Variants in KCTD16 observed in about 807,000 individuals in gnomAD.
KCTD16 encodes BTB/POZ domain-containing protein KCTD16.
In KCTD16, 13 loss-of-function variants were observed where a neutral mutation model predicts 33.2. The ratio of observed to expected loss-of-function variants is 0.39; its 90% CI spans 0.25 to 0.62. KCTD16 has a LOEUF of 0.62. KCTD16 is among the 20% of genes least tolerant of loss of function. KCTD16 has a pLI of 0.50. For missense variants in KCTD16, 441 were observed against 525.1 expected (o/e 0.84, Z 1.57); for synonymous variants, 197 against 195.3 (o/e 1.01, Z -0.07).
chr5:144,316,430 C>T (rs1019673171), intron 3 of KCTD16, among the ~76,000 whole-genome samples: 3 of 151,722 alleles, frequency 2.0e-5, no homozygotes, highest in Admixed American at 2.0e-4. Context: ...TATGCCTCAG[C>T]GGTATCTAAG....
chr5:144,181,200 T>G (rs1355527062), intron 2 of KCTD16, among the ~76,000 whole-genome samples: 1 of 152,220 alleles, frequency 6.6e-6, no homozygotes, highest in African/African-American at 2.4e-5. Flanking sequence ...CCCAAAGTGC[T>G]GGGATTACAG....
intron 3 of KCTD16, among the ~76,000 whole-genome samples, chr5:144,209,861 CATATATATGTGTGTATGTATGT>C (rs1362954413): frequency 7.0e-6 from 1 of 142,440 alleles, no homozygotes; most frequent in Non-Finnish European, 1.5e-5. Context: ...TATATATACA[CATATATATGTGTGTATGTATGT>C]ATATATATGT....
intron 3 of KCTD16, among the ~76,000 whole-genome samples, chr5:144,431,051 A>G (rs1332918046): frequency 6.6e-6 from 1 of 152,136 alleles, no homozygotes; most frequent in African/African-American, 2.4e-5. Context: ...GCTCTCCATG[A>G]TCATGAATTC....
intron 3 of KCTD16, among the ~76,000 whole-genome samples, chr5:144,357,099 TTACTCTTATAGGTTACAACTTCTTA>T (rs72354470): frequency 0.22 from 33,195 of 151,952 alleles, 3,994 homozygotes; most frequent in Non-Finnish European, 0.27. Context: ...AGGAGATGAG[TTACTCTTATAGGTTACAACTTCTTA>T]TACTCTTATA....
intron 3 of KCTD16, among the ~76,000 whole-genome samples, chr5:144,393,324 A>C (rs1752492749): frequency 6.6e-6 from 1 of 152,204 alleles, no homozygotes; most frequent in African/African-American, 2.4e-5. Flanking sequence ...CATTCAACGA[A>C]GAGAGAGAGC....
At chr5:144,283,051 T>A (rs115098772) in intron 3 of KCTD16, among the ~76,000 whole-genome samples, 2,874 of 152,300 alleles carry the variant, frequency 0.019, 86 homozygotes, top group African/African-American at 0.066. Flanking sequence ...TTCTCTTTTT[T>A]TCTTTTTTTT....
chr5:144,311,845 A>G (rs1751774453), intron 3 of KCTD16, among the ~76,000 whole-genome samples: 1 of 152,202 alleles, frequency 6.6e-6, no homozygotes, highest in Non-Finnish European at 1.5e-5. Context: ...TCTAGGAAAA[A>G]TACCTATATT....
intron 3 of KCTD16, among the ~76,000 whole-genome samples, chr5:144,372,444 G>A (rs1038150119): frequency 6.6e-6 from 1 of 152,182 alleles, no homozygotes; most frequent in African/African-American, 2.4e-5. Flanking sequence ...GTTTTCTTTA[G>A]AGGCTCATCA....
intron 3 of KCTD16, among the ~76,000 whole-genome samples, chr5:144,342,029 T>G (rs1400135429): frequency 6.6e-6 from 1 of 152,214 alleles, no homozygotes; most frequent in Non-Finnish European, 1.5e-5. Flanking sequence ...ACTGTTTTAT[T>G]ATGTTAAAAA....
chr5:144,258,853 G>T (rs1754921060), intron 3 of KCTD16, among the ~76,000 whole-genome samples: 7 of 152,130 alleles, frequency 4.6e-5, no homozygotes, highest in Admixed American at 4.6e-4. Flanking sequence ...TTGCTTACCT[G>T]CAGAGAAATG....
intron 3 of KCTD16, among the ~76,000 whole-genome samples, chr5:144,380,005 T>C (rs1026111667): frequency 1.3e-5 from 2 of 152,164 alleles, no homozygotes; most frequent in Non-Finnish European, 2.9e-5. Flanking sequence ...GTTTTATACA[T>C]ATATGCAGTT....
chr5:144,363,537 G>GTT (rs138948199), intron 3 of KCTD16, among the ~76,000 whole-genome samples: 2 of 150,174 alleles, frequency 1.3e-5, no homozygotes, highest in Non-Finnish European at 3.0e-5. Context: ...GCCTCTTACT[G>GTT]TTTTTTTTTG....
chr5:144,413,081 A>T (rs990194545), intron 3 of KCTD16, among the ~76,000 whole-genome samples: 1 of 152,248 alleles, frequency 6.6e-6, no homozygotes, highest in Non-Finnish European at 1.5e-5. Flanking sequence ...ATATGAATAT[A>T]TTACATTTTT....
intron 3 of KCTD16, among the ~76,000 whole-genome samples, chr5:144,223,705 T>C: frequency 6.6e-6 from 1 of 152,152 alleles, no homozygotes; most frequent in East Asian, 1.9e-4. Flanking sequence ...TTTATAAAAT[T>C]AGAGCATCCC....
chr5:144,457,320 G>A (rs1010069574), intron 3 of KCTD16, among the ~76,000 whole-genome samples: 11 of 152,210 alleles, frequency 7.2e-5, no homozygotes, highest in African/African-American at 2.4e-4. Flanking sequence ...ATGCTGTATC[G>A]CAAGAGAGAT....
At chr5:144,337,741 C>G (rs1752526169) in intron 3 of KCTD16, among the ~76,000 whole-genome samples, 1 of 152,166 alleles carries the variant, frequency 6.6e-6, no homozygotes, top group African/African-American at 2.4e-5. Flanking sequence ...CATCATCATT[C>G]AGCTCTCTGT....
At chr5:144,354,456 A>G (rs1037662169) in intron 3 of KCTD16, among the ~76,000 whole-genome samples, 1 of 152,162 alleles carries the variant, frequency 6.6e-6, no homozygotes, top group Non-Finnish European at 1.5e-5. Flanking sequence ...TCACCCCTAG[A>G]CCCTTCCACC....
At chr5:144,296,304 G>A (rs892948206) in intron 3 of KCTD16, among the ~76,000 whole-genome samples, 3 of 152,212 alleles carry the variant, frequency 2.0e-5, no homozygotes, top group Non-Finnish European at 4.4e-5. Flanking sequence ...CTGAATGAAT[G>A]CATTTATGAA....
At chr5:144,319,705 C>T (rs551781593) in intron 3 of KCTD16, among the ~76,000 whole-genome samples, 29 of 152,068 alleles carry the variant, frequency 1.9e-4, no homozygotes, top group African/African-American at 5.3e-4. Context: ...TATCATATAC[C>T]GACCCAAACC....
Sources: allele counts gnomAD v4.1 joint callset (sites outside exome capture counted in the v4.1 genomes callset), GRCh38; gene constraint gnomAD v4.1.1; transcripts MANE v1.5; gene names NCBI Gene and HGNC (gene_info 2026-07-23, HGNC 2026-07-21).